EPHA3: variants seen among roughly 807,000 people sequenced by gnomAD.
EPHA3 encodes the protein EPH receptor A3.
Under a neutral mutation model 107.1 loss-of-function variants are expected in EPHA3, and 42 were observed. That is an observed-to-expected ratio of 0.39 (90% CI 0.31 to 0.51). The LOEUF (loss-of-function observed/expected upper bound fraction) is 0.51, where lower values mean the gene tolerates loss of function less well. Ranked by LOEUF, EPHA3 falls within the 20% of genes least tolerant of loss-of-function variation. The pLI is 0.78. For missense variants in EPHA3, 1,183 were observed against 1,211.2 expected (o/e 0.98, Z 0.35); for synonymous variants, 461 against 424.8 (o/e 1.09, Z -1.05).
chr3:89,152,215 A>T (rs1380260354), intron 2 of EPHA3, among the ~76,000 whole-genome samples: 1 of 152,084 alleles, frequency 6.6e-6, no homozygotes, highest in East Asian at 1.9e-4. Flanking sequence ...TAAAATTCCA[A>T]ATTCTATCTC....
chr3:89,137,385 AATT>A, intron 2 of EPHA3, among the ~76,000 whole-genome samples: 1 of 152,072 alleles, frequency 6.6e-6, no homozygotes, highest in South Asian at 2.1e-4. Flanking sequence ...GAAAATTTTT[AATT>A]ATTTGGACCC....
At chr3:89,296,567 G>C (rs1229738000) in intron 3 of EPHA3, among the ~76,000 whole-genome samples, 3 of 152,150 alleles carry the variant, frequency 2.0e-5, no homozygotes, top group Admixed American at 6.6e-5. Context: ...AGGCTTTGTT[G>C]TTCCATTTGT....
chr3:89,324,699 T>G (rs2107386552), intron 3 of EPHA3, among the ~76,000 whole-genome samples: 1 of 152,252 alleles, frequency 6.6e-6, no homozygotes, highest in African/African-American at 2.4e-5. Context: ...ATCCTATTTT[T>G]TTATAATTTC....
intron 3 of EPHA3, among the ~76,000 whole-genome samples, chr3:89,328,997 C>T (rs1707232865): frequency 6.6e-6 from 1 of 152,222 alleles, no homozygotes; most frequent in African/African-American, 2.4e-5. Context: ...AGGGAACTAA[C>T]TCCCTTTCCC....
At chr3:89,132,754 G>A (rs1409172341) in intron 2 of EPHA3, among the ~76,000 whole-genome samples, 1 of 152,124 alleles carries the variant, frequency 6.6e-6, no homozygotes, top group Non-Finnish European at 1.5e-5. Flanking sequence ...GCCTGGAGTG[G>A]TGGCCTTCAC....
intron 13 of EPHA3, among the ~76,000 whole-genome samples, chr3:89,446,815 G>A (rs1327230552): frequency 4.0e-5 from 6 of 151,640 alleles, no homozygotes; most frequent in South Asian, 2.1e-4. Flanking sequence ...AATACTGAAA[G>A]TATACTTATA....
chr3:89,307,542 A>C (rs1283699321), intron 3 of EPHA3, among the ~76,000 whole-genome samples: 1 of 152,096 alleles, frequency 6.6e-6, no homozygotes, highest in Non-Finnish European at 1.5e-5. Flanking sequence ...AACAGTGCTA[A>C]TGTTTGTTGG....
intron 3 of EPHA3, among the ~76,000 whole-genome samples, chr3:89,212,486 G>A (rs1225249443): frequency 6.6e-6 from 1 of 151,664 alleles, no homozygotes; most frequent in Non-Finnish European, 1.5e-5. Context: ...TTTTTCATTT[G>A]GATATTTCAT....
At chr3:89,306,851 G>T (rs1041543759) in intron 3 of EPHA3, among the ~76,000 whole-genome samples, 2 of 152,140 alleles carry the variant, frequency 1.3e-5, no homozygotes, top group African/African-American at 4.8e-5. Context: ...TATGAAGTTG[G>T]TCCTTCGAAT....
intron 2 of EPHA3, among the ~76,000 whole-genome samples, chr3:89,140,953 T>G (rs1704418911): frequency 6.6e-6 from 1 of 151,698 alleles, no homozygotes; most frequent in Non-Finnish European, 1.5e-5. Flanking sequence ...TCCTAGTGCT[T>G]TCGATATATC....
At chr3:89,344,834 C>T (rs1325202440) in intron 5 of EPHA3, among the ~76,000 whole-genome samples, 4 of 152,064 alleles carry the variant, frequency 2.6e-5, no homozygotes, top group African/African-American at 9.7e-5. Flanking sequence ...TGATAAGGCA[C>T]CTTTTAAATT....
intron 5 of EPHA3, among the ~76,000 whole-genome samples, chr3:89,386,359 G>A (rs1460299630): frequency 2.0e-5 from 3 of 152,160 alleles, no homozygotes; most frequent in Non-Finnish European, 2.9e-5. Context: ...GAGACTTGTT[G>A]TCCTGTGTCC....
chr3:89,359,724 T>C lies in EPHA3; in HGVS notation c.1306+17634T>C, dbSNP rs189191988. On this transcript the variant is annotated intron_variant, in intron 5 of 16. Coordinates refer to ENST00000336596, the MANE Select transcript of EPHA3 (RefSeq NM_005233.6). ...TATATTGTGTGTGTGTATATATATA[T>C]ACATACATATATACACATATATACA... is the stretch of plus-strand genomic sequence containing the variant. Among the ~76,000 whole-genome samples the C allele has an allele frequency of 3.7e-3, 548 of 146,418 alleles. 4 individuals are homozygous for C. Among genetic ancestry groups the C allele is most frequent in the African/African-American group, 0.013 (512 of 40,302 alleles).
intron 5 of EPHA3, among the ~76,000 whole-genome samples, chr3:89,384,523 C>G (rs542797369): frequency 2.0e-5 from 3 of 152,054 alleles, no homozygotes; most frequent in Non-Finnish European, 4.4e-5. Flanking sequence ...TTTTCTAAAA[C>G]GTTTAGGCTC....
chr3:89,253,802 G>A (rs190147266), intron 3 of EPHA3, among the ~76,000 whole-genome samples: 4 of 141,630 alleles, frequency 2.8e-5, no homozygotes, highest in Non-Finnish European at 3.0e-5. Context: ...TAGTTTATAT[G>A]AAATAGAAAA....
intron 2 of EPHA3, among the ~76,000 whole-genome samples, chr3:89,161,845 A>G (rs763435004): frequency 2.6e-5 from 4 of 151,822 alleles, no homozygotes; most frequent in Non-Finnish European, 5.9e-5. Context: ...TGGATATGGT[A>G]GCATGCCTGT....
intron 3 of EPHA3, among the ~76,000 whole-genome samples, chr3:89,304,644 CA>C (rs1431806006): frequency 6.6e-6 from 1 of 152,060 alleles, no homozygotes; most frequent in African/African-American, 2.4e-5. Flanking sequence ...CAAAATATTC[CA>C]TTCACATATC....
intron 13 of EPHA3, among the ~76,000 whole-genome samples, chr3:89,433,412 G>A (rs1443694376): frequency 2.0e-5 from 3 of 152,016 alleles, no homozygotes; most frequent in African/African-American, 4.8e-5. Context: ...ATGCCAGATA[G>A]CATTTCATCC....
chr3:89,450,275 G>A lies in EPHA3; in HGVS notation c.2595G>A (p.Arg865=), dbSNP rs554106434. 116 of 1,614,002 alleles carry A rather than the reference G, an allele frequency of 7.2e-5. No individual in the cohort carries two copies. The highest frequency in any genetic ancestry group is 9.3e-5 in the Non-Finnish European group (110 of 1,179,948). ...QLMLDCWQKD[R]NNRPKFEQIV... ...TGCTGGACTGCTGGCAGAAAGACAG[G>A]AACAACAGACCCAAGTTTGAGCAGA... Residue 865 remains arginine (R), a synonymous_variant, in exon 15 of 17, where the codon AGG becomes AGA. Coordinates refer to ENST00000336596, the MANE Select transcript of EPHA3 (RefSeq NM_005233.6).
Sources: allele counts gnomAD v4.1 joint callset (sites outside exome capture counted in the v4.1 genomes callset), GRCh38; gene constraint gnomAD v4.1.1; transcripts MANE v1.5; gene names NCBI Gene and HGNC (gene_info 2026-07-23, HGNC 2026-07-21).